The following ZNF385D variants were observed in gnomAD, a reference collection of about 807,000 sequenced individuals.
The protein encoded by ZNF385D is zinc finger protein 659.
ZNF385D carries 15 observed loss-of-function variants against 35.8 expected under a neutral mutation model. That is an observed-to-expected ratio of 0.42 (90% confidence interval 0.28 to 0.64). The LOEUF is 0.64. ZNF385D is among the 30% of genes least tolerant of loss of function. ZNF385D has a pLI of 0.23. For synonymous variants in ZNF385D, 212 were observed against 186.8 expected, an observed-to-expected ratio of 1.13 and a Z score of -1.10; for missense variants, 474 against 494.6, an observed-to-expected ratio of 0.96 and a Z score of 0.39.
chr3:22,193,945 G>A (rs541855792), intron 2 of ZNF385D, among the ~76,000 whole-genome samples: 7 of 152,002 alleles, frequency 4.6e-5, no homozygotes, highest in South Asian at 2.1e-4. Context: ...ATTAGGTAGT[G>A]CATTTTTTCC....
intron 3 of ZNF385D, among the ~76,000 whole-genome samples, chr3:21,963,690 A>T (rs1702723047): frequency 6.6e-6 from 1 of 152,148 alleles, no homozygotes. Flanking sequence ...TATATTACAG[A>T]CCTCTTTATA....
At chr3:21,473,123 A>T (rs1166872219) in intron 4 of ZNF385D, among the ~76,000 whole-genome samples, 1 of 152,004 alleles carries the variant, frequency 6.6e-6, no homozygotes, top group African/African-American at 2.4e-5. Flanking sequence ...ACATTTGAAA[A>T]AGCTAACTCC....
intron 3 of ZNF385D, among the ~76,000 whole-genome samples, chr3:21,948,662 A>G (rs897980187): frequency 4.7e-5 from 7 of 147,994 alleles, no homozygotes; most frequent in South Asian, 2.1e-4. Flanking sequence ...AGATTCTGCT[A>G]TAATCCATAC....
At chr3:22,185,728 AG>A in intron 2 of ZNF385D, among the ~76,000 whole-genome samples, 1 of 152,286 alleles carries the variant, frequency 6.6e-6, no homozygotes, top group East Asian at 1.9e-4. Context: ...GGCCTTCCAA[AG>A]TGCTGGGATT....
intron 3 of ZNF385D, among the ~76,000 whole-genome samples, chr3:21,980,650 C>G (rs185173855): frequency 6.6e-6 from 1 of 152,136 alleles, no homozygotes; most frequent in Non-Finnish European, 1.5e-5. Context: ...GTTGTACACA[C>G]TATTTCGTCA....
chr3:22,104,577 C>G (rs1418882527), intron 3 of ZNF385D, among the ~76,000 whole-genome samples: 1 of 151,748 alleles, frequency 6.6e-6, no homozygotes, highest in East Asian at 1.9e-4. Context: ...AGTGATTTTT[C>G]AATTCTTCAT....
intron 2 of ZNF385D, among the ~76,000 whole-genome samples, chr3:22,316,969 C>G (rs1488164212): frequency 6.6e-6 from 1 of 151,990 alleles, no homozygotes. Context: ...ACCAAGAAAG[C>G]TTCTTTCCAA....
chr3:21,937,933 C>G (rs115615127), intron 3 of ZNF385D, among the ~76,000 whole-genome samples: 1 of 152,142 alleles, frequency 6.6e-6, no homozygotes, highest in Non-Finnish European at 1.5e-5. Flanking sequence ...AAATAACATT[C>G]TTCAAAAAAT....
rs944245833 is a variant in ZNF385D, at chr3:22,184,732, T to C, written c.107-15697A>G. Among the ~76,000 whole-genome samples the C allele has an allele frequency of 2.6e-5, 4 of 152,080 alleles. No homozygotes were observed. The East Asian group carries it at 5.8e-4, about 22-fold the overall frequency. ...ATCCCAGCTACTCAGGAGGCTGAGG[T>C]AGGAAAATCGCTTAAACTGGGAGGA... is the stretch of plus-strand genomic sequence containing the variant. On this transcript the variant is annotated intron_variant, in intron 2 of 5. Coordinates refer to the ZNF385D transcript ENST00000494108.
At chr3:21,895,409 C>T (rs1699083122) in intron 3 of ZNF385D, among the ~76,000 whole-genome samples, 2 of 143,048 alleles carry the variant, frequency 1.4e-5, no homozygotes, top group African/African-American at 2.6e-5. Context: ...CTCACTGCAA[C>T]GTCTGCCTCT....
chr3:21,982,970 T>A (rs957373369), intron 3 of ZNF385D, among the ~76,000 whole-genome samples: 11 of 152,058 alleles, frequency 7.2e-5, no homozygotes, highest in African/African-American at 2.7e-4. Context: ...AGCTTTCTGA[T>A]GTGCTGCTGA....
chr3:21,463,736 T>G (rs1310325461), intron 4 of ZNF385D, among the ~76,000 whole-genome samples: 1 of 152,224 alleles, frequency 6.6e-6, no homozygotes, highest in Non-Finnish European at 1.5e-5. Flanking sequence ...AGGAGAAACC[T>G]CTTCTGATCT....
chr3:22,336,928 A>AAAAAAAAAC (rs1695193509), intron 2 of ZNF385D, among the ~76,000 whole-genome samples: 1 of 146,638 alleles, frequency 6.8e-6, no homozygotes, highest in Non-Finnish European at 1.5e-5. Flanking sequence ...AAAAAAAAAA[A>AAAAAAAAAC]AAAAAAAAAC....
At chr3:21,959,058 T>C (rs1410092445) in intron 3 of ZNF385D, 1 of 152,174 alleles carries the variant, frequency 6.6e-6, no homozygotes, top group African/African-American at 2.4e-5. Flanking sequence ...TTTCATGCAG[T>C]TAATAAAGTT....
intron 3 of ZNF385D, among the ~76,000 whole-genome samples, chr3:22,133,008 T>A (rs1703890571): frequency 6.6e-6 from 1 of 152,144 alleles, no homozygotes; most frequent in African/African-American, 2.4e-5. Flanking sequence ...AGGGTTAGAC[T>A]AGAAAATTTC....
intron 2 of ZNF385D, among the ~76,000 whole-genome samples, chr3:22,238,277 A>C (rs1699302222): frequency 6.6e-6 from 1 of 150,714 alleles, no homozygotes. Context: ...TCTTTTCCAG[A>C]TTATTTTGGC....
chr3:21,717,554 A>G (rs1320873267), intron 1 of ZNF385D, among the ~76,000 whole-genome samples: 1 of 152,172 alleles, frequency 6.6e-6, no homozygotes, highest in East Asian at 1.9e-4. Flanking sequence ...TTATGACTTG[A>G]TATAGTTTCA....
At chr3:21,885,391 A>C (rs1449022644) in intron 3 of ZNF385D, among the ~76,000 whole-genome samples, 1 of 151,998 alleles carries the variant, frequency 6.6e-6, no homozygotes, top group African/African-American at 2.4e-5. Flanking sequence ...TTATACCCTA[A>C]TATTGTGACA....
intron 1 of ZNF385D, among the ~76,000 whole-genome samples, chr3:21,669,412 T>C (rs1444849997): frequency 6.6e-6 from 1 of 152,202 alleles, no homozygotes; most frequent in Non-Finnish European, 1.5e-5. Flanking sequence ...ATAAATGTTG[T>C]TTCGGTCAAT....
Sources: gnomAD v4.1 joint callset for allele counts (sites outside exome capture counted in the v4.1 genomes callset) on GRCh38, gnomAD v4.1.1 for gene constraint, MANE v1.5 for transcripts, NCBI Gene and HGNC (gene_info 2026-07-23, HGNC 2026-07-21) for gene names.